Variants in NBEAL1 observed in about 807,000 individuals in gnomAD.
NBEAL1 encodes the protein neurobeachin-like protein 1.
In NBEAL1, 273 loss-of-function variants were observed where a neutral mutation model predicts 351.3. That is an observed-to-expected ratio of 0.78 (90% CI 0.70 to 0.86). The LOEUF is 0.86. NBEAL1 is among the 40% of genes least tolerant of loss of function. The pLI is 0.00. For missense variants in NBEAL1, 2,961 were observed against 3,201.3 expected, an observed-to-expected ratio of 0.92 and a Z score of 1.81; for synonymous variants, 1,050 against 1,086.4, an observed-to-expected ratio of 0.97 and a Z score of 0.66.
chr2:203,056,031 T>A (rs1020276933), intron 4 of NBEAL1, among the ~76,000 whole-genome samples: 3 of 152,202 alleles, frequency 2.0e-5, no homozygotes, highest in Non-Finnish European at 4.4e-5. Context: ...AAACAGTATG[T>A]ACAAAAAAGA....
chr2:203,172,065 A>G (rs748901281), intron 40 of NBEAL1, 42 bp downstream of exon 40: 3 of 1,181,480 alleles, frequency 2.5e-6, no homozygotes, highest in East Asian at 4.9e-5. Flanking sequence ...ATTGCCCTAC[A>G]GTTTTATAAA....
At chr2:203,197,920 A>G (rs1438625268) in intron 48 of NBEAL1, among the ~76,000 whole-genome samples, 2 of 151,914 alleles carry the variant, frequency 1.3e-5, no homozygotes, top group Admixed American at 1.3e-4. Flanking sequence ...AATAAAAATA[A>G]ATAAATAAAT....
At chr2:203,054,196 C>T (rs1010246975) in intron 4 of NBEAL1, among the ~76,000 whole-genome samples, 6 of 152,052 alleles carry the variant, frequency 3.9e-5, no homozygotes, top group African/African-American at 1.4e-4. Flanking sequence ...GAGGCTGAGG[C>T]GAGTGGATCA....
intron 7 of NBEAL1, among the ~76,000 whole-genome samples, chr2:203,071,738 TAA>T (rs2061686354): frequency 6.6e-6 from 1 of 152,088 alleles, no homozygotes; most frequent in African/African-American, 2.4e-5. Context: ...TGAAAACAAA[TAA>T]GTTATATGTA....
intron 28 of NBEAL1, 75 bp downstream of exon 28, chr2:203,136,327 T>A: frequency 9.2e-7 from 1 of 1,081,120 alleles, no homozygotes; most frequent in Non-Finnish European, 1.3e-6. Flanking sequence ...TAGAAATATG[T>A]GAGCAGTTGT....
At position 203,224,037 on chromosome 2, in the gene NBEAL1, C is replaced by A. The variant is rs2065982907; in HGVS notation, c.*6683C>A. On this transcript the variant is annotated 3_prime_UTR_variant, in exon 56 of 56. Coordinates refer to ENST00000683969, the MANE Select transcript of NBEAL1 (RefSeq NM_001378026.1). Reference sequence around the variant, plus strand: ...ATTTTTTCCTTTGGAAAGAATAATTCTTTTGGAATTTTGGAATTTTGATTT... The same window carrying A: ...ATTTTTTCCTTTGGAAAGAATAATTATTTTGGAATTTTGGAATTTTGATTT... Among the ~76,000 whole-genome samples the A allele has an allele frequency of 6.6e-6, 1 of 151,842 alleles. No homozygotes were observed. The highest frequency in any genetic ancestry group is 1.5e-5 in the Non-Finnish European group (1 of 67,860).
chr2:203,110,791 G>A (rs1434066350), intron 15 of NBEAL1, among the ~76,000 whole-genome samples: 1 of 101,392 alleles, frequency 9.9e-6, no homozygotes, highest in Non-Finnish European at 1.8e-5. Context: ...TTTTGAGATA[G>A]AGTCTTGCTC....
At chr2:203,140,207 G>A (rs902784116) in intron 31 of NBEAL1, among the ~76,000 whole-genome samples, 3 of 151,824 alleles carry the variant, frequency 2.0e-5, no homozygotes, top group Admixed American at 6.6e-5. Context: ...GGGTGCTGAG[G>A]TAGGAGAATC....
intron 2 of NBEAL1, among the ~76,000 whole-genome samples, chr2:203,029,382 A>G (rs1283957846): frequency 3.3e-5 from 5 of 152,248 alleles, no homozygotes. Flanking sequence ...CTAACATTGC[A>G]GATGTGGGCC....
chr2:203,136,624 T>G lies in NBEAL1; in HGVS notation c.4415T>G (p.Leu1472Ter), dbSNP rs2063216843. 6.2e-7 allele frequency: 1 copy of G among 1,610,714 alleles called. No homozygotes were observed. The highest frequency in any genetic ancestry group is 8.5e-7 in the Non-Finnish European group (1 of 1,178,070). The change falls in exon 29 of 56, where the codon TTA becomes TGA. Residue 1472 changes from leucine to a stop codon, truncating the protein, a stop_gained. Transcript: ENST00000683969. LOFTEE classifies it high-confidence loss of function. ...AGATGTGAGGAGGAGCTTCTTCAAT[T>G]ACTGACACATATTTTGAATTATGTA... ...QERCEEELLQ[L>*]LTHILNYVMC...
chr2:203,165,209 A>G (rs2064097611), intron 36 of NBEAL1, among the ~76,000 whole-genome samples: 1 of 152,120 alleles, frequency 6.6e-6, no homozygotes, highest in Non-Finnish European at 1.5e-5. Flanking sequence ...TAGGCCACCA[A>G]AAGACTGTCT....
intron 24 of NBEAL1, among the ~76,000 whole-genome samples, chr2:203,129,081 C>G (rs1313070848): frequency 6.6e-6 from 1 of 152,184 alleles, no homozygotes; most frequent in Non-Finnish European, 1.5e-5. Context: ...AGATATACTA[C>G]TGATTCAACT....
In NBEAL1 at chr2:203,077,838, G is replaced by T; in HGVS notation, c.684+1G>T. ...TGGAGCCATTGTAGCCGGTGGGCAG[G>T]TAAGGAAAGTGTTGAAATTTAATAA... On this transcript the variant is annotated splice_donor_variant, in intron 8 of 55. Coordinates refer to ENST00000683969, the MANE Select transcript of NBEAL1 (RefSeq NM_001378026.1). LOFTEE classifies it high-confidence loss of function. The T allele has an allele frequency of 7.1e-7, 1 of 1,417,900 alleles. No homozygotes were observed. The highest frequency in any genetic ancestry group is 9.3e-7 in the Non-Finnish European group (1 of 1,077,226). 87.8% of individuals were successfully genotyped at this position (1,417,900 alleles called of 1,614,324 possible).
At chr2:203,026,548 T>TCCAG (rs573722202) in intron 2 of NBEAL1, among the ~76,000 whole-genome samples, 3 of 151,784 alleles carry the variant, frequency 2.0e-5, no homozygotes, top group Non-Finnish European at 4.4e-5. Flanking sequence ...TTGCTCTGTC[T>TCCAG]CCAGGCTCCA....
chr2:203,132,112 C>G lies in NBEAL1; in HGVS notation c.3704C>G (p.Thr1235Ser). ...AATACTTCTCTTATTAAAAACCTCACCCATCAAATCATAAATACAGGTATG... is the reference window on the plus strand; with the variant it reads ...AATACTTCTCTTATTAAAAACCTCAGCCATCAAATCATAAATACAGGTATG... ...LVNTSLIKNL[T>S]HQIINTDPVI... The change falls in exon 26 of 56, where the codon ACC (threonine) becomes AGC (serine). Residue 1235 changes from threonine (T) to serine (S), a missense_variant. Thr to Ser is a moderately conservative substitution (Grantham distance 58). Transcript: ENST00000683969. The G allele has an allele frequency of 1.3e-6, 2 of 1,530,390 alleles. No homozygotes were observed. Among genetic ancestry groups the G allele is most frequent in the Non-Finnish European group, 1.8e-6 (2 of 1,130,248 alleles). 94.8% of individuals were successfully genotyped at this position (1,530,390 alleles called of 1,614,324 possible).
intron 44 of NBEAL1, among the ~76,000 whole-genome samples, chr2:203,184,735 G>A (rs1559046587): frequency 1.3e-5 from 2 of 151,734 alleles, no homozygotes; most frequent in African/African-American, 4.8e-5. Context: ...CCCTATGCAT[G>A]AATAAGGAAT....
intron 4 of NBEAL1, among the ~76,000 whole-genome samples, chr2:203,051,310 G>A (rs897626194): frequency 5.9e-5 from 9 of 152,216 alleles, no homozygotes; most frequent in African/African-American, 1.2e-4. Flanking sequence ...TTGGAAGGCC[G>A]AGGAGGTGGA....
chr2:203,105,540 G>A (rs1175543341), intron 12 of NBEAL1, among the ~76,000 whole-genome samples: 1 of 152,000 alleles, frequency 6.6e-6, no homozygotes, highest in Non-Finnish European at 1.5e-5. Flanking sequence ...AAGGTCTGCT[G>A]TTAGCCTGAT....
chr2:203,134,475 T>C (rs1559391890), intron 27 of NBEAL1, among the ~76,000 whole-genome samples: 1 of 152,188 alleles, frequency 6.6e-6, no homozygotes, highest in Non-Finnish European at 1.5e-5. Context: ...TTGCCTTCTG[T>C]ATCAACATGT....
Sources: allele counts gnomAD v4.1 joint callset (sites outside exome capture counted in the v4.1 genomes callset), GRCh38; gene constraint gnomAD v4.1.1; transcripts MANE v1.5; gene names NCBI Gene and HGNC (gene_info 2026-07-23, HGNC 2026-07-21).